NFRKB: variants seen among roughly 807,000 people sequenced by gnomAD.
NFRKB encodes the protein nuclear factor related to kappa-B-binding protein.
A neutral mutation model predicts 135.7 loss-of-function variants in NFRKB; 62 were observed. The observed-to-expected ratio is 0.46, with a 90% confidence interval of 0.37 to 0.56. The LOEUF is 0.56. NFRKB is among the 20% of genes least tolerant of loss of function. NFRKB has a pLI of 0.00. For synonymous variants in NFRKB, 678 were observed against 635.6 expected (o/e 1.07, Z -1.00); for missense variants, 1,545 against 1,662.0 (o/e 0.93, Z 1.22).
At chr11:129,882,364 C>G (rs750580005) in intron 10 of NFRKB, 87 bp downstream of exon 10, 28 of 1,470,908 alleles carry the variant, frequency 1.9e-5, no homozygotes, top group Non-Finnish European at 2.5e-5. Context: ...AACATACTTA[C>G]AGCTACGACA....
intron 13 of NFRKB, among the ~76,000 whole-genome samples, chr11:129,879,014 C>T (rs894667210): frequency 1.3e-5 from 2 of 152,138 alleles, no homozygotes; most frequent in Admixed American, 6.5e-5. Flanking sequence ...GCAGTTAAGA[C>T]CCAGGGGCAG....
Position 129,878,322 on chromosome 11 carries a change from G to A in NFRKB, c.1498C>T (p.Pro500Ser), listed in dbSNP as rs1049044522. 3.1e-6 allele frequency: 5 copies of A among 1,614,204 alleles called. No homozygotes were observed. Among genetic ancestry groups the A allele is most frequent in the South Asian group, 1.1e-5 (1 of 91,086 alleles). ...TATTGTACTCACACCCGAGGGACAGGTGTTGTGGCATCTGAGCTGTCTTCA... is the reference window on the plus strand; with the variant it reads ...TATTGTACTCACACCCGAGGGACAGATGTTGTGGCATCTGAGCTGTCTTCA... Reference protein sequence around the residue: ...ENEDSSDATTPVPRVRTDYVV... With the variant: ...ENEDSSDATTSVPRVRTDYVV... The change falls in exon 15 of 27, where the codon CCT (proline) becomes TCT (serine). Residue 500 changes from proline (P) to serine (S), a missense_variant. Around this residue, in one of 3 missense-constraint regions of NFRKB, gnomAD observed 678 missense variants for 646.7 expected, o/e 1.05. Coordinates refer to ENST00000682444, the MANE Select transcript of NFRKB (RefSeq NM_001143835.2).
Position 129,874,127 on chromosome 11 carries a change from A to C in NFRKB, c.2265T>G (p.Ala755=), listed in dbSNP as rs1423012017. 1.3e-6 allele frequency: 2 copies of C among 1,540,928 alleles called. No individual in the cohort carries two copies. Among genetic ancestry groups the C allele is most frequent in the Non-Finnish European group, 1.7e-6 (2 of 1,143,982 alleles). ...GAGGAACTTACCCCGAGCTAGACTT[A>C]GCTGGTTCTGAGACTGTGGAAGGGC... The part of the protein sequence containing the change: ...KSGPSTVSEP[A]KSSSGVLLVS... Residue 755 remains alanine (A), a synonymous_variant, in exon 21 of 27, where the codon GCT becomes GCG. Coordinates refer to ENST00000682444, the MANE Select transcript of NFRKB (RefSeq NM_001143835.2). This position sits in a 1 kb window ranked among gnomAD's most constrained non-coding sequence, Gnocchi z 4.5.
intron 13 of NFRKB, among the ~76,000 whole-genome samples, chr11:129,880,862 T>G (rs747409286): frequency 5.8e-4 from 89 of 152,290 alleles, no homozygotes; most frequent in Non-Finnish European, 1.0e-3. Flanking sequence ...CATACGCTTC[T>G]CCACAGACCA....
intron 3 of NFRKB, among the ~76,000 whole-genome samples, chr11:129,890,755 T>C (rs1565426393): frequency 6.6e-6 from 1 of 152,218 alleles, no homozygotes. Context: ...ATGACGCATC[T>C]TGCCTGTGAA....
chr11:129,889,815 A>G (rs1230155666), intron 3 of NFRKB, among the ~76,000 whole-genome samples: 2 of 151,698 alleles, frequency 1.3e-5, no homozygotes, highest in Non-Finnish European at 2.9e-5. Context: ...AAAAGAATTA[A>G]CACAAAAGAA....
chr11:129,864,456 G>GT lies in NFRKB; in HGVS notation c.*268dup, dbSNP rs1311850914. ...CTCTCAGAACTCTGGCTTGTTGGACGTAACTGGTAATTCCTGCAATTTCAA... is the reference window on the plus strand; with the variant it reads ...CTCTCAGAACTCTGGCTTGTTGGACGTTAACTGGTAATTCCTGCAATTTCAA... On this transcript the variant is annotated 3_prime_UTR_variant, in exon 27 of 27. Transcript: ENST00000682444. 1.0e-5 allele frequency: 4 copies of GT among 395,208 alleles called. No individual in the cohort carries two copies. The highest frequency in any genetic ancestry group is 2.0e-5 in the African/African-American group (1 of 49,438). 24.5% of individuals were successfully genotyped at this position (395,208 alleles called of 1,614,324 possible). A position where few individuals can be genotyped will look rare whatever the true frequency, so the allele number is the denominator to read the frequency against.
chr11:129,888,190 T>C (rs1246641758), intron 4 of NFRKB: 1 of 503,950 alleles, frequency 2.0e-6, no homozygotes, highest in Non-Finnish European at 3.5e-6. Context: ...TGAAGTGTCA[T>C]ATTTTCTGCA....
chr11:129,881,999 A>G, intron 11 of NFRKB, 87 bp downstream of exon 11: 1 of 1,438,212 alleles, frequency 7.0e-7, no homozygotes, highest in Admixed American at 2.4e-5. Flanking sequence ...AGAGGAACTC[A>G]GAGTTCCACT....
chr11:129,875,265 T>G (rs1230861229), intron 18 of NFRKB, 92 bp downstream of exon 18: 1 of 1,085,834 alleles, frequency 9.2e-7, no homozygotes, highest in African/African-American at 1.6e-5. Flanking sequence ...CTTCATTCAG[T>G]TTTTAAAAAT....
At position 129,885,353 on chromosome 11, in the gene NFRKB, A is replaced by G. The variant is rs190527063; in HGVS notation, c.640+82T>C. Reference sequence around the variant, plus strand: ...GAGGGTTTCTTTGCTGGGGAGATAAATGGCTACCACTGGCTCCAACCGGAC... The same window carrying G: ...GAGGGTTTCTTTGCTGGGGAGATAAGTGGCTACCACTGGCTCCAACCGGAC... On this transcript the variant is annotated intron_variant, in intron 6 of 26. Coordinates refer to ENST00000682444, the MANE Select transcript of NFRKB (RefSeq NM_001143835.2). The G allele has an allele frequency of 8.2e-5, 121 of 1,469,302 alleles. No homozygotes were observed. The African/African-American group carries it at 1.5e-3, about 19-fold the overall frequency. The allele number at this position is 1,469,302 out of a possible 1,614,324, so 91.0% of individuals were successfully genotyped here.
chr11:129,888,575 A>G lies in NFRKB; in HGVS notation c.337+19T>C. 6.2e-7 allele frequency: 1 copy of G among 1,613,466 alleles called. No individual in the cohort carries two copies. Among genetic ancestry groups the G allele is most frequent in the Non-Finnish European group, 8.5e-7 (1 of 1,179,366 alleles). ...CCCATCCACCACCCCCCTCAAAGAA[A>G]GAATACTGAGCTACAAACCTCGGAA... On this transcript the variant is annotated intron_variant, in intron 4 of 26. Coordinates refer to ENST00000682444, the MANE Select transcript of NFRKB (RefSeq NM_001143835.2).
intron 3 of NFRKB, among the ~76,000 whole-genome samples, chr11:129,889,075 C>G (rs1949414903): frequency 6.6e-6 from 1 of 152,000 alleles, no homozygotes; most frequent in Admixed American, 6.5e-5. Context: ...GATTCTCCTA[C>G]CTCAGCCTCC....
intron 4 of NFRKB, among the ~76,000 whole-genome samples, chr11:129,887,123 G>T (rs533573735): frequency 2.6e-5 from 4 of 152,202 alleles, no homozygotes; most frequent in Admixed American, 2.6e-4. Context: ...CACCCTGGAA[G>T]GGAAGAGGAA....
Position 129,864,608 on chromosome 11 carries a change from C to G in NFRKB, c.*117G>C, listed in dbSNP as rs902809681. On this transcript the variant is annotated 3_prime_UTR_variant, in exon 27 of 27. Coordinates refer to ENST00000682444, the MANE Select transcript of NFRKB (RefSeq NM_001143835.2). The stretch of plus-strand genomic sequence containing the variant: ...CGAATCCAGGCCACCGTTGCCATCA[C>G]CCCTCGCCTGGCTGCCTTGAACAGG... The G allele has an allele frequency of 1.2e-5, 17 of 1,445,614 alleles. No individual in the cohort carries two copies. Among genetic ancestry groups the G allele is most frequent in the Non-Finnish European group, 1.4e-5 (15 of 1,058,360 alleles). The allele number at this position is 1,445,614 out of a possible 1,614,324, so 89.5% of individuals were successfully genotyped here.
Position 129,863,782 on chromosome 11 carries a change from T to C in NFRKB, c.*943A>G, listed in dbSNP as rs879263230. ...TACAAACACAAATTGGTCTGGGCTG[T>C]GTTCCAATAAAACTTTATTTACAAA... On this transcript the variant is annotated 3_prime_UTR_variant, in exon 27 of 27. Coordinates refer to ENST00000682444, the MANE Select transcript of NFRKB (RefSeq NM_001143835.2). The C allele has an allele frequency of 6.6e-6, 1 of 152,318 alleles. No individual in the cohort carries two copies. The highest frequency in any genetic ancestry group is 1.5e-5 in the Non-Finnish European group (1 of 68,094). 9.4% of individuals were successfully genotyped at this position (152,318 alleles called of 1,614,324 possible).
rs1305396876 is a variant in NFRKB, at chr11:129,875,472, A to G, written c.1748-9T>C. 1.9e-6 allele frequency: 3 copies of G among 1,585,766 alleles called. No individual in the cohort carries two copies. Among genetic ancestry groups the G allele is most frequent in the Admixed American group, 1.8e-5 (1 of 55,046 alleles). Reference sequence around the variant, plus strand: ...AGCCGCAGCGTCCCGAACTGATGACATGAGAAAGCACACAGTCCACAAGTC... The same window carrying G: ...AGCCGCAGCGTCCCGAACTGATGACGTGAGAAAGCACACAGTCCACAAGTC... On this transcript the variant is annotated splice_polypyrimidine_tract_variant and intron_variant, in intron 17 of 26. Transcript: ENST00000682444.
At chr11:129,868,058 GAC>G (rs1035728594) in intron 24 of NFRKB, among the ~76,000 whole-genome samples, 1 of 151,908 alleles carries the variant, frequency 6.6e-6, no homozygotes, top group South Asian at 2.1e-4. Context: ...GGGTAAGGAA[GAC>G]ACAGACACGA....
At chr11:129,871,454 C>G (rs1252505934) in intron 23 of NFRKB, among the ~76,000 whole-genome samples, 1 of 152,168 alleles carries the variant, frequency 6.6e-6, no homozygotes, top group Non-Finnish European at 1.5e-5. Context: ...CACCTCACAC[C>G]TTCCCGACCA....
Sources: allele counts gnomAD v4.1 joint callset (sites outside exome capture counted in the v4.1 genomes callset), GRCh38; gene constraint gnomAD v4.1.1; regional missense constraint gnomAD v4.1.1; non-coding constraint Gnocchi (gnomAD v3.1); transcripts MANE v1.5; gene names NCBI Gene and HGNC (gene_info 2026-07-23, HGNC 2026-07-21).